ADGRF5: variants seen among roughly 807,000 people sequenced by gnomAD.
ADGRF5 encodes the protein adhesion G protein-coupled receptor F5, also known as G-protein coupled receptor 116.
Under a neutral mutation model 132.3 loss-of-function variants are expected in ADGRF5, and 75 were observed. That is an observed-to-expected ratio of 0.57 (90% CI 0.47 to 0.69). The LOEUF (loss-of-function observed/expected upper bound fraction) is 0.69. Among genes scored for constraint, ADGRF5 ranks in the 30% least tolerant of loss-of-function variants. The pLI is 0.00. For missense variants in ADGRF5, 1,516 were observed against 1,630.6 expected (o/e 0.93, Z 1.21); for synonymous variants, 629 against 597.6 (o/e 1.05, Z -0.77).
At chr6:46,864,374 A>C (rs1007925328) in intron 14 of ADGRF5, among the ~76,000 whole-genome samples, 1 of 152,174 alleles carries the variant, frequency 6.6e-6, no homozygotes, top group East Asian at 1.9e-4. Context: ...TCTCAGAAAA[A>C]CAGTGCAGTG....
intron 15 of ADGRF5, among the ~76,000 whole-genome samples, chr6:46,861,877 A>G (rs1769782585): frequency 6.6e-6 from 1 of 151,070 alleles, no homozygotes; most frequent in Non-Finnish European, 1.5e-5. Context: ...ATCTTTCTTC[A>G]TTAGGATAAT....
intron 1 of ADGRF5, among the ~76,000 whole-genome samples, chr6:46,941,240 G>A (rs1218915604): frequency 1.3e-5 from 2 of 151,856 alleles, no homozygotes; most frequent in African/African-American, 4.8e-5. Flanking sequence ...TAAGGTGGGA[G>A]GATCATTTGA....
chr6:46,897,145 T>TACACACACAC (rs10655432), intron 3 of ADGRF5, among the ~76,000 whole-genome samples: 16 of 141,780 alleles, frequency 1.1e-4, no homozygotes, highest in African/African-American at 4.2e-4. Context: ...TGCATATATA[T>TACACACACAC]ACACACACAC....
chr6:46,866,014 T>A (rs543901282), intron 13 of ADGRF5, among the ~76,000 whole-genome samples: 2 of 152,282 alleles, frequency 1.3e-5, no homozygotes, highest in African/African-American at 2.4e-5. Flanking sequence ...GATTTTTGGG[T>A]TGTGAGATCA....
rs1355602011 is a variant in ADGRF5, at chr6:46,881,437, C to A, written c.814+18G>T. On this transcript the variant is annotated intron_variant, in intron 8 of 20. Coordinates refer to ENST00000283296, the MANE Select transcript of ADGRF5 (RefSeq NM_001098518.2). ...ATAACCATAAATAACATGACCATAT[C>A]TAAACAATTTCACTTACTGATAGTA... 1 of 1,606,126 alleles carries A rather than the reference C, an allele frequency of 6.2e-7. No individual in the cohort carries two copies. Among genetic ancestry groups the A allele is most frequent in the East Asian group, 2.2e-5 (1 of 44,828 alleles).
chr6:46,917,688 C>T (rs1204571799), intron 1 of ADGRF5, among the ~76,000 whole-genome samples: 1 of 152,102 alleles, frequency 6.6e-6, no homozygotes, highest in Non-Finnish European at 1.5e-5. Context: ...CCCCCACAGG[C>T]CCCTGTGTGT....
rs764244317 is a variant in ADGRF5 at position 46,856,955 on chromosome 6, T to C, written c.3775-47A>G. On this transcript the variant is annotated intron_variant, in intron 17 of 20. Transcript: ENST00000283296. ...AGAAGTGCATTTTAATTATAGTCTA[T>C]TGTCCAGCAAAGGAGGAAGTACTGT... The C allele has an allele frequency of 6.9e-7, 1 of 1,444,224 alleles. No individual in the cohort carries two copies. 89.5% of individuals were successfully genotyped at this position (1,444,224 alleles called of 1,614,324 possible). A position where few individuals can be genotyped will look rare whatever the true frequency, so the allele number is the denominator to read the frequency against.
At chr6:46,878,054 C>T in intron 10 of ADGRF5, 148 bp downstream of exon 10, 2 of 634,338 alleles carry the variant, frequency 3.2e-6, no homozygotes, top group East Asian at 2.7e-5. Flanking sequence ...TAAGCTGGAG[C>T]TGGCATCAAA....
At chr6:46,854,162 G>A (rs1768774144) in intron 20 of ADGRF5, 91 bp from the exon 21 acceptor site, 5 of 869,940 alleles carry the variant, frequency 5.7e-6, no homozygotes, top group Non-Finnish European at 8.7e-6. Context: ...GGGAGCAGTG[G>A]TCCAGGTGCC....
At chr6:46,948,763 T>C (rs946936605) in intron 1 of ADGRF5, among the ~76,000 whole-genome samples, 2 of 152,154 alleles carry the variant, frequency 1.3e-5, no homozygotes, top group Non-Finnish European at 2.9e-5. Flanking sequence ...TGACTACTCA[T>C]TTGCATCTGT....
intron 1 of ADGRF5, among the ~76,000 whole-genome samples, chr6:46,941,431 G>GAA (rs796564208): frequency 4.1e-4 from 22 of 54,134 alleles, no homozygotes; most frequent in African/African-American, 1.5e-3. Context: ...GAAAAGAAAA[G>GAA]AAAAGAAAAG....
intron 11 of ADGRF5, among the ~76,000 whole-genome samples, chr6:46,871,150 T>C (rs955836931): frequency 2.0e-5 from 3 of 152,212 alleles, no homozygotes; most frequent in African/African-American, 7.2e-5. Context: ...CAAAAGGGTC[T>C]AATGATTAAT....
intron 6 of ADGRF5, among the ~76,000 whole-genome samples, chr6:46,883,259 G>A (rs1042616045): frequency 6.6e-6 from 1 of 152,172 alleles, no homozygotes; most frequent in African/African-American, 2.4e-5. Context: ...ACCAACTCAT[G>A]CTTGTAGGCT....
At chr6:46,897,274 C>T (rs939395358) in intron 3 of ADGRF5, among the ~76,000 whole-genome samples, 1 of 151,640 alleles carries the variant, frequency 6.6e-6, no homozygotes, top group Non-Finnish European at 1.5e-5. Flanking sequence ...TTGATCCTAT[C>T]TTTAAAGATG....
Position 46,859,418 on chromosome 6 carries a change from C to A in ADGRF5, c.2485G>T (p.Val829Leu), listed in dbSNP as rs1254299103. 1.9e-6 allele frequency: 3 copies of A among 1,613,198 alleles called. No individual in the cohort carries two copies. In the Admixed American group the frequency reaches 5.0e-5, roughly 27 times the overall value. The stretch of plus-strand genomic sequence containing the variant: ...TGTAATGCTTGGGAAAATCTTTCCA[C>A]TGAATGTAGTAGCTGTGAACTCTGA... ...TNQSSQLLHS[V>L]ERFSQALQSG... The change falls in exon 17 of 21, where the codon GTG becomes TTG. Residue 829 changes from valine (V) to leucine (L), a missense_variant. Transcript: ENST00000283296.
intron 4 of ADGRF5, among the ~76,000 whole-genome samples, chr6:46,884,691 G>T (rs1772866498): frequency 6.6e-6 from 1 of 152,206 alleles, no homozygotes; most frequent in Non-Finnish European, 1.5e-5. Flanking sequence ...TAAGGTAGAG[G>T]TGATGGTATG....
intron 1 of ADGRF5, among the ~76,000 whole-genome samples, chr6:46,921,105 C>A (rs1413662564): frequency 6.6e-6 from 1 of 152,216 alleles, no homozygotes; most frequent in African/African-American, 2.4e-5. Flanking sequence ...CGGCCTGGCC[C>A]TGAAGCCCCA....
At chr6:46,883,869 G>A (rs1238750753) in intron 5 of ADGRF5, among the ~76,000 whole-genome samples, 1 of 152,168 alleles carries the variant, frequency 6.6e-6, no homozygotes, top group African/African-American at 2.4e-5. Flanking sequence ...ACCCTCCCGA[G>A]TAGCTGGGAC....
intron 1 of ADGRF5, among the ~76,000 whole-genome samples, chr6:46,947,642 C>A (rs1478658881): frequency 6.6e-6 from 1 of 152,236 alleles, no homozygotes; most frequent in African/African-American, 2.4e-5. Flanking sequence ...AGAGAGGAAG[C>A]ACAGGCTTTG....
Sources: allele counts gnomAD v4.1 joint callset (sites outside exome capture counted in the v4.1 genomes callset), GRCh38; gene constraint gnomAD v4.1.1; transcripts MANE v1.5; gene names NCBI Gene and HGNC (gene_info 2026-07-23, HGNC 2026-07-21).